The following SLC27A2 variants were observed in gnomAD, a reference collection of about 807,000 sequenced individuals.
SLC27A2 encodes long-chain fatty acid transport protein 2.
Under a neutral mutation model 60.0 loss-of-function variants are expected in SLC27A2, and 54 were observed. The ratio of observed to expected loss-of-function variants is 0.90; its 90% CI spans 0.72 to 1.13. The LOEUF is 1.13. SLC27A2 is among the 50% of genes most tolerant of loss of function. The pLI is 0.00. For missense variants in SLC27A2, 739 were observed against 777.6 expected, an observed-to-expected ratio of 0.95 and a Z score of 0.59; for synonymous variants, 297 against 297.6, an observed-to-expected ratio of 1.00 and a Z score of 0.02.
intron 4 of SLC27A2, among the ~76,000 whole-genome samples, chr15:50,221,515 A>G (rs1371473863): frequency 6.6e-6 from 1 of 152,248 alleles, no homozygotes; most frequent in Non-Finnish European, 1.5e-5. Context: ...TCCTGCATGG[A>G]AACCAATTCA....
In SLC27A2 at chr15:50,182,841, C is replaced by G. The variant is rs1351995799; in HGVS notation, c.414C>G (p.Ile138Met). ...GCAMACLNYN[I>M]RAKSLLHCFQ... The stretch of plus-strand genomic sequence containing the variant: ...CCATGGCGTGCCTCAATTACAACAT[C>G]CGCGCGAAGTCCCTGCTGCACTGCT... The change falls in exon 1 of 10, where the codon ATC becomes ATG. Residue 138 changes from isoleucine (I) to methionine (M), a missense_variant. Coordinates refer to ENST00000267842, the MANE Select transcript of SLC27A2 (RefSeq NM_003645.4). 6.2e-7 allele frequency: 1 copy of G among 1,613,306 alleles called. No homozygotes were observed. Among genetic ancestry groups the G allele is most frequent in the East Asian group, 2.2e-5 (1 of 44,860 alleles).
At chr15:50,234,385 C>T (rs530315292) in intron 9 of SLC27A2, among the ~76,000 whole-genome samples, 4 of 152,104 alleles carry the variant, frequency 2.6e-5, no homozygotes, top group South Asian at 2.1e-4. Context: ...GTCGGGGGTT[C>T]GAGATCAGCC....
At chr15:50,184,764 G>A (rs2044906268) in intron 1 of SLC27A2, among the ~76,000 whole-genome samples, 1 of 152,128 alleles carries the variant, frequency 6.6e-6, no homozygotes, top group Non-Finnish European at 1.5e-5. Flanking sequence ...CTGAACCCAG[G>A]AGGCAGAGGT....
Position 50,200,165 on chromosome 15 carries a change from A to C in SLC27A2, c.689-2322A>C, listed in dbSNP as rs953606401. Among the ~76,000 whole-genome samples, 5 of 152,218 alleles carry C rather than the reference A, an allele frequency of 3.3e-5. 1 individual carries two copies. Among genetic ancestry groups the C allele is most frequent in the Non-Finnish European group, 1.5e-5 (1 of 68,040 alleles). On this transcript the variant is annotated intron_variant, in intron 2 of 9. Transcript: ENST00000267842. Reference sequence around the variant, plus strand: ...TTTCAGAGGCCAGGCATGATGGCTCATATCTATAATCTCAACACTTTGGGG... The same window carrying C: ...TTTCAGAGGCCAGGCATGATGGCTCCTATCTATAATCTCAACACTTTGGGG...
chr15:50,208,929 A>G, intron 4 of SLC27A2, among the ~76,000 whole-genome samples: 1 of 152,126 alleles, frequency 6.6e-6, no homozygotes, highest in East Asian at 1.9e-4. Context: ...ATCTAGGGAA[A>G]GTTATTTATT....
At chr15:50,209,709 C>G (rs968174461) in intron 4 of SLC27A2, among the ~76,000 whole-genome samples, 2 of 152,170 alleles carry the variant, frequency 1.3e-5, no homozygotes, top group Non-Finnish European at 2.9e-5. Flanking sequence ...GGATGAAGGG[C>G]CTCTTCTGTA....
chr15:50,186,136 G>C (rs749665180), intron 1 of SLC27A2, among the ~76,000 whole-genome samples: 5 of 151,980 alleles, frequency 3.3e-5, no homozygotes, highest in Admixed American at 2.6e-4. Flanking sequence ...CCCAGTTACT[G>C]GGGAGGCTGA....
Position 50,227,124 on chromosome 15 carries a change from T to C in SLC27A2, c.1403T>C (p.Met468Thr). The C allele has an allele frequency of 6.2e-7, 1 of 1,613,338 alleles. No homozygotes were observed. The change falls in exon 7 of 10, where the codon ATG becomes ACG. Residue 468 changes from methionine to threonine, a missense_variant. Coordinates refer to ENST00000267842, the MANE Select transcript of SLC27A2 (RefSeq NM_003645.4). ...TATTTCAACAGTGGAGATCTCTTAA[T>C]GGTTGACCATGAAAATTTCATCTAT... is the stretch of plus-strand genomic sequence containing the variant. ...DLYFNSGDLL[M>T]VDHENFIYFH...
intron 4 of SLC27A2, among the ~76,000 whole-genome samples, chr15:50,221,605 T>C (rs931011431): frequency 1.7e-4 from 26 of 152,310 alleles, no homozygotes; most frequent in Middle Eastern, 6.8e-3. Flanking sequence ...TAATTCTTAT[T>C]CCAAAACCAC....
At chr15:50,197,733 C>CA in intron 2 of SLC27A2, 24 bp downstream of exon 2, 3 of 1,556,038 alleles carry the variant, frequency 1.9e-6, no homozygotes, top group East Asian at 2.3e-5. Context: ...GGGGATTCTC[C>CA]AAAAAAATTA....
At chr15:50,215,641 A>G (rs960937853) in intron 4 of SLC27A2, among the ~76,000 whole-genome samples, 3 of 152,238 alleles carry the variant, frequency 2.0e-5, no homozygotes, top group African/African-American at 7.2e-5. Flanking sequence ...CACAGAATAG[A>G]GAACCCAGAA....
intron 8 of SLC27A2, 107 bp downstream of exon 8, chr15:50,229,149 G>C: frequency 1.4e-6 from 1 of 707,438 alleles, no homozygotes; most frequent in Non-Finnish European, 2.5e-6. Context: ...GAGTTAAACA[G>C]TTCTTTCAGC....
intron 7 of SLC27A2, 120 bp downstream of exon 7, chr15:50,227,298 G>T: frequency 1.4e-6 from 1 of 729,286 alleles, no homozygotes; most frequent in South Asian, 1.8e-5. Flanking sequence ...GGCACATCAG[G>T]TCAAACTCCT....
intron 2 of SLC27A2, among the ~76,000 whole-genome samples, chr15:50,201,641 T>C (rs2045064307): frequency 6.6e-6 from 1 of 151,956 alleles, no homozygotes; most frequent in Non-Finnish European, 1.5e-5. Context: ...CTGCAACCTT[T>C]GCCTCCCAGG....
In SLC27A2 at chr15:50,233,938, C is replaced by A; in HGVS notation, c.1626C>A (p.Leu542=). The A allele has an allele frequency of 1.2e-6, 2 of 1,613,818 alleles. No individual in the cohort carries two copies. Among genetic ancestry groups the A allele is most frequent in the Non-Finnish European group, 1.7e-6 (2 of 1,179,684 alleles). The change falls in exon 9 of 10, where the codon CTC becomes CTA. Residue 542 remains leucine (L), a synonymous_variant. Coordinates refer to ENST00000267842, the MANE Select transcript of SLC27A2 (RefSeq NM_003645.4). ...ACCATGAATTTGATGGAAAGAAACT[C>A]TTTCAGCACATTGCTGATTACCTAC... ...KENHEFDGKK[L]FQHIADYLPS... is the part of the protein sequence containing the mutation.
intron 1 of SLC27A2, among the ~76,000 whole-genome samples, chr15:50,188,644 A>T (rs2044944866): frequency 6.6e-6 from 1 of 152,186 alleles, no homozygotes; most frequent in South Asian, 2.1e-4. Context: ...AATGTCTAGC[A>T]CATAGTAGGC....
In SLC27A2 at chr15:50,236,104, CAGG is replaced by C. The variant is rs1567440698; in HGVS notation, c.*13_*15del. 6.4e-7 allele frequency: 1 copy of C among 1,561,202 alleles called. No individual in the cohort carries two copies. Among genetic ancestry groups the C allele is most frequent in the Non-Finnish European group, 8.7e-7 (1 of 1,146,284 alleles). ...AAAACCCTGAAACTCTGAATATTCC[CAGG>C]AGGATAACTCAACATTTCCAGAAAG... On this transcript the variant is annotated 3_prime_UTR_variant, in exon 10 of 10. Transcript: ENST00000267842.
intron 5 of SLC27A2, among the ~76,000 whole-genome samples, chr15:50,224,127 A>T (rs1398788028): frequency 6.6e-6 from 1 of 152,208 alleles, no homozygotes; most frequent in African/African-American, 2.4e-5. Context: ...CCCACACTCG[A>T]TAAGGGAAAA....
chr15:50,226,628 A>G lies in SLC27A2; in HGVS notation c.1259-352A>G, dbSNP rs558649916. Among the ~76,000 whole-genome samples, 11 of 152,322 alleles carry G rather than the reference A, an allele frequency of 7.2e-5. No homozygotes were observed. The South Asian group carries it at 2.3e-3, about 32-fold the overall frequency. ...ACACCTGTAACCCCAGCTACTTGGG[A>G]GGCTGAGGCAGGAGAATCCCTTGAC... On this transcript the variant is annotated intron_variant, in intron 6 of 9. Coordinates refer to ENST00000267842, the MANE Select transcript of SLC27A2 (RefSeq NM_003645.4).
Sources: gnomAD v4.1 joint callset for allele counts (sites outside exome capture counted in the v4.1 genomes callset) on GRCh38, gnomAD v4.1.1 for gene constraint, MANE v1.5 for transcripts, NCBI Gene and HGNC (gene_info 2026-07-23, HGNC 2026-07-21) for gene names.